Variants in VWA5A observed in about 807,000 individuals in gnomAD.
VWA5A encodes the protein von Willebrand factor A domain containing 5A.
Under a neutral mutation model 84.6 loss-of-function variants are expected in VWA5A, and 77 were observed. The observed-to-expected ratio is 0.91, with a 90% CI of 0.76 to 1.10. The LOEUF (loss-of-function observed/expected upper bound fraction) is 1.10. Among genes scored for constraint, VWA5A ranks in the 50% least tolerant of loss-of-function variants. VWA5A has a pLI of 0.00. For missense variants in VWA5A, 973 were observed against 963.0 expected (o/e 1.01, Z -0.14); for synonymous variants, 334 against 350.1 (o/e 0.95, Z 0.51).
chr11:124,130,677 A>G (rs548257047), intron 11 of VWA5A, among the ~76,000 whole-genome samples: 24 of 152,252 alleles, frequency 1.6e-4, no homozygotes, highest in Middle Eastern at 6.8e-3. Context: ...TTGGGTGCAT[A>G]TATATTTAGG....
intron 11 of VWA5A, among the ~76,000 whole-genome samples, chr11:124,134,104 A>G (rs1048071270): frequency 1.3e-5 from 2 of 152,234 alleles, no homozygotes; most frequent in African/African-American, 4.8e-5. Flanking sequence ...CATGTTAGAA[A>G]TTTAAAGGTT....
chr11:124,131,608 G>T (rs117184720), intron 11 of VWA5A, among the ~76,000 whole-genome samples: 1 of 151,686 alleles, frequency 6.6e-6, no homozygotes, highest in Non-Finnish European at 1.5e-5. Context: ...TTTACTGGAT[G>T]TTTATTTCCA....
In VWA5A at chr11:124,138,962, G is replaced by A. The variant is rs566891403; in HGVS notation, c.1879+1694G>A. On this transcript the variant is annotated intron_variant, in intron 15 of 18. Transcript: ENST00000456829. The stretch of plus-strand genomic sequence containing the variant: ...GAGTTGGTTTTTCTATGTGATGAGA[G>A]ATAAGGGTCTAATGTTATTCTTTCA... Among the ~76,000 whole-genome samples the A allele has an allele frequency of 8.5e-5, 13 of 152,272 alleles. No individual in the cohort carries two copies. In the South Asian group the frequency reaches 2.7e-3, roughly 32 times the overall value.
intron 10 of VWA5A, among the ~76,000 whole-genome samples, 183 bp downstream of exon 10, chr11:124,123,987 C>G (rs1565616275): frequency 6.6e-6 from 1 of 152,048 alleles, no homozygotes; most frequent in South Asian, 2.1e-4. Context: ...GCGATGGACA[C>G]TGGAAGGCCT....
At chr11:124,143,318 G>C (rs1421148703) in intron 17 of VWA5A, among the ~76,000 whole-genome samples, 1 of 152,212 alleles carries the variant, frequency 6.6e-6, no homozygotes, top group Non-Finnish European at 1.5e-5. Context: ...CATGAGACAG[G>C]TGCAAAAAGC....
chr11:124,141,844 A>T (rs1860734088), intron 16 of VWA5A, 103 bp downstream of exon 16: 3 of 1,452,828 alleles, frequency 2.1e-6, no homozygotes, highest in Non-Finnish European at 2.8e-6. Context: ...CAAGAGATGC[A>T]TGTTTCTCGA....
Position 124,135,015 on chromosome 11 carries a change from A to G in VWA5A, c.1340A>G (p.Lys447Arg). 1 of 1,613,564 alleles carries G rather than the reference A, an allele frequency of 6.2e-7. No homozygotes were observed. Among genetic ancestry groups the G allele is most frequent in the Non-Finnish European group, 8.5e-7 (1 of 1,179,740 alleles). The part of the protein sequence containing the change: ...SGGTSEFITG[K>R]DRMQSKALRT... ...GGCACCTCAGAATTTATCACAGGCA[A>G]AGACAGGATGCAGTCCAAGGTGAGG... Residue 447 changes from lysine to arginine, a missense_variant, in exon 12 of 19, where the codon AAA (lysine) becomes AGA (arginine). Transcript: ENST00000456829.
intron 6 of VWA5A, 45 bp from the exon 7 acceptor site, chr11:124,118,930 G>C: frequency 6.3e-7 from 1 of 1,589,068 alleles, no homozygotes; most frequent in Non-Finnish European, 8.6e-7. Flanking sequence ...CAAGAAGCAA[G>C]AAGTTATGAT....
At chr11:124,141,511 G>A in intron 15 of VWA5A, 87 bp from the exon 16 acceptor site, 1 of 1,529,560 alleles carries the variant, frequency 6.5e-7, no homozygotes. Context: ...AGTGTGGATG[G>A]GGGGGTATGT....
intron 8 of VWA5A, 49 bp from the exon 9 acceptor site, chr11:124,123,317 T>A (rs754910907): frequency 6.3e-7 from 1 of 1,577,436 alleles, no homozygotes; most frequent in Non-Finnish European, 8.7e-7. Flanking sequence ...GGCCCATGTG[T>A]TTTGGCGAGC....
chr11:124,134,323 C>G (rs929759952), intron 11 of VWA5A, among the ~76,000 whole-genome samples: 15 of 152,214 alleles, frequency 9.9e-5, no homozygotes, highest in Non-Finnish European at 2.2e-4. Flanking sequence ...CTCTGTCTGT[C>G]ATGCCTTCCA....
At chr11:124,121,064 C>T (rs1864924637) in intron 7 of VWA5A, among the ~76,000 whole-genome samples, 1 of 152,190 alleles carries the variant, frequency 6.6e-6, no homozygotes, top group Admixed American at 6.5e-5. Context: ...TTGCTGTTCT[C>T]ATCCACACAA....
At chr11:124,135,321 A>G (rs1480866695) in intron 12 of VWA5A, among the ~76,000 whole-genome samples, 1 of 152,170 alleles carries the variant, frequency 6.6e-6, no homozygotes, top group Non-Finnish European at 1.5e-5. Flanking sequence ...GACACAGACA[A>G]ACTAAGAGCT....
intron 15 of VWA5A, among the ~76,000 whole-genome samples, chr11:124,137,717 T>C (rs2137659423): frequency 6.6e-6 from 1 of 152,312 alleles, no homozygotes; most frequent in East Asian, 1.9e-4. Flanking sequence ...TTCATAACTA[T>C]TAACAGACAT....
intron 7 of VWA5A, among the ~76,000 whole-genome samples, chr11:124,119,834 G>A: frequency 6.6e-6 from 1 of 152,202 alleles, no homozygotes; most frequent in East Asian, 1.9e-4. Context: ...AAAATACTCT[G>A]TGCTTTAGGA....
chr11:124,122,852 A>G (rs1159901492), intron 7 of VWA5A, 108 bp from the exon 8 acceptor site: 59 of 1,116,072 alleles, frequency 5.3e-5, no homozygotes, highest in Admixed American at 2.3e-5. Context: ...ACAGTGTTTT[A>G]GATTTGAGTT....
intron 11 of VWA5A, among the ~76,000 whole-genome samples, chr11:124,126,539 C>A (rs1865021087): frequency 6.6e-6 from 1 of 152,068 alleles, no homozygotes; most frequent in African/African-American, 2.4e-5. Flanking sequence ...GGCAGGCAGA[C>A]CACGAGGTCA....
intron 11 of VWA5A, chr11:124,124,584 A>G (rs920542565): frequency 2.4e-5 from 28 of 1,169,582 alleles, no homozygotes; most frequent in Non-Finnish European, 2.8e-5. Flanking sequence ...TTTTTTTACT[A>G]TAAACATTTT....
intron 11 of VWA5A, among the ~76,000 whole-genome samples, chr11:124,130,747 G>GT (rs1390972504): frequency 1.3e-5 from 2 of 151,496 alleles, no homozygotes; most frequent in Admixed American, 6.6e-5. Flanking sequence ...CTTCTTTGTC[G>GT]TTTTTTATCA....
Sources: gnomAD v4.1 joint callset for allele counts (sites outside exome capture counted in the v4.1 genomes callset) on GRCh38, gnomAD v4.1.1 for gene constraint, MANE v1.5 for transcripts, NCBI Gene and HGNC (gene_info 2026-07-23, HGNC 2026-07-21) for gene names.